CCBE1: variants seen among roughly 807,000 people sequenced by gnomAD.
The protein encoded by CCBE1 is collagen and calcium binding EGF domains 1, also known as collagen and calcium-binding EGF domain-containing protein 1.
A neutral mutation model predicts 50.0 loss-of-function variants in CCBE1; 37 were observed. The observed-to-expected ratio is 0.74, with a 90% CI of 0.57 to 0.97. CCBE1 has a LOEUF of 0.97. Ranked by LOEUF, CCBE1 falls within the 50% of genes least tolerant of loss-of-function variation. The pLI is 0.00. For synonymous variants in CCBE1, 234 were observed against 203.7 expected, an observed-to-expected ratio of 1.15 and a Z score of -1.27; for missense variants, 538 against 523.8, an observed-to-expected ratio of 1.03 and a Z score of -0.26.
chr18:59,640,264 G>A (rs1331277409), intron 2 of CCBE1, among the ~76,000 whole-genome samples: 3 of 152,130 alleles, frequency 2.0e-5, no homozygotes, highest in Admixed American at 6.5e-5. Context: ...AAACAGCATG[G>A]TGCTGATACC....
Position 59,611,293 on chromosome 18 carries a change from C to A in CCBE1, c.212+85336G>T, listed in dbSNP as rs980138857. On this transcript the variant is annotated intron_variant, in intron 2 of 10. Transcript: ENST00000439986. ...GACTAGAGAGAAAAGAAAGGAAAGG[C>A]CTCCTGGGATGCATATGTGTACATA... 2.6e-5 allele frequency among the ~76,000 whole-genome samples: 4 copies of A among 152,234 alleles called. No homozygotes were observed. The East Asian group carries it at 7.7e-4, about 29-fold the overall frequency.
chr18:59,526,349 G>T (rs541470551), intron 2 of CCBE1, among the ~76,000 whole-genome samples: 2 of 149,232 alleles, frequency 1.3e-5, no homozygotes, highest in South Asian at 2.1e-4. Context: ...TCACTCTGTC[G>T]GCACGGCTGG....
At chr18:59,682,932 C>G (rs187808101) in intron 2 of CCBE1, among the ~76,000 whole-genome samples, 19 of 152,212 alleles carry the variant, frequency 1.2e-4, no homozygotes, top group African/African-American at 3.4e-4. Flanking sequence ...TGTGCCCCCC[C>G]TTCCCTGTAG....
At chr18:59,668,117 A>G (rs1313224684) in intron 2 of CCBE1, among the ~76,000 whole-genome samples, 4 of 152,140 alleles carry the variant, frequency 2.6e-5, no homozygotes, top group African/African-American at 9.7e-5. Context: ...CCCAGAACTT[A>G]AAGTATAATT....
At chr18:59,440,538 T>C (rs7236732) in intron 7 of CCBE1, among the ~76,000 whole-genome samples, 1,917 of 152,220 alleles carry the variant, frequency 0.013, 31 homozygotes, top group Middle Eastern at 0.044. Context: ...GGATGACACA[T>C]CTAAAACAAG....
At chr18:59,614,760 C>CT (rs1363946797) in intron 2 of CCBE1, among the ~76,000 whole-genome samples, 1 of 152,248 alleles carries the variant, frequency 6.6e-6, no homozygotes, top group Non-Finnish European at 1.5e-5. Context: ...AGTCCTAAAG[C>CT]TGAGCTGAGG....
chr18:59,652,302 G>A (rs1445658113), intron 2 of CCBE1, among the ~76,000 whole-genome samples: 2 of 152,116 alleles, frequency 1.3e-5, no homozygotes. Context: ...CAACTCATGG[G>A]TTACACAAGT....
intron 2 of CCBE1, among the ~76,000 whole-genome samples, chr18:59,516,257 C>A (rs1351113806): frequency 1.3e-5 from 2 of 150,838 alleles, no homozygotes; most frequent in Non-Finnish European, 3.0e-5. Flanking sequence ...TTTTTCTTAT[C>A]AACTCTGGAG....
At chr18:59,502,625 T>G (rs1913677074) in intron 2 of CCBE1, among the ~76,000 whole-genome samples, 1 of 152,152 alleles carries the variant, frequency 6.6e-6, no homozygotes. Flanking sequence ...TGAGCCCAAC[T>G]CTGAGCCCTT....
At chr18:59,513,715 G>A (rs950751419) in intron 2 of CCBE1, among the ~76,000 whole-genome samples, 5 of 152,210 alleles carry the variant, frequency 3.3e-5, no homozygotes, top group Non-Finnish European at 5.9e-5. Context: ...TAGAGAAAAC[G>A]GGGACGGGCC....
In CCBE1 at chr18:59,546,390, C is replaced by G. The variant is rs186748666; in HGVS notation, c.213-66152G>C. Among the ~76,000 whole-genome samples the G allele has an allele frequency of 6.0e-4, 92 of 152,324 alleles. 1 individual carries two copies. The highest frequency in any genetic ancestry group is 3.4e-3 in the Middle Eastern group (1 of 294). On this transcript the variant is annotated intron_variant, in intron 2 of 10. Transcript: ENST00000439986. ...GGCTCTGGGCTTGGCCATGTAACTT[C>G]TTTCTGGTCAACAGTGAATTAGTCA...
intron 2 of CCBE1, among the ~76,000 whole-genome samples, chr18:59,646,466 C>A (rs1276349710): frequency 1.3e-5 from 2 of 152,176 alleles, no homozygotes; most frequent in Admixed American, 6.5e-5. Flanking sequence ...CATGGCTGCA[C>A]CCAGGGCATG....
chr18:59,612,835 TGTTTTTGTTTTTG>T (rs750195174), intron 2 of CCBE1, among the ~76,000 whole-genome samples: 26,941 of 126,628 alleles, frequency 0.21, 3,462 homozygotes, highest in East Asian at 0.39. Flanking sequence ...TGTTTTTTTT[TGTTTTTGTTTTTG>T]TTTTTTTTAA....
At chr18:59,530,222 C>G (rs565827416) in intron 2 of CCBE1, among the ~76,000 whole-genome samples, 3 of 152,126 alleles carry the variant, frequency 2.0e-5, no homozygotes, top group East Asian at 3.9e-4. Context: ...AGAAGACAGC[C>G]CCATGGGGAG....
At chr18:59,535,042 A>G (rs890402277) in intron 2 of CCBE1, among the ~76,000 whole-genome samples, 2 of 152,206 alleles carry the variant, frequency 1.3e-5, no homozygotes, top group South Asian at 2.1e-4. Flanking sequence ...CGAATCCCCA[A>G]TTTCCCCAAA....
In CCBE1 at chr18:59,490,108, T is replaced by C. The variant is rs531878328; in HGVS notation, c.213-9870A>G. 1.4e-4 allele frequency among the ~76,000 whole-genome samples: 21 copies of C among 149,464 alleles called. No individual in the cohort carries two copies. The South Asian group carries it at 4.5e-3, about 32-fold the overall frequency. ...TTCAAGTGATTCTCCTGCCCCATCC[T>C]CCTGGGTAGCTGGGATTACAAGTGC... is the stretch of plus-strand genomic sequence containing the variant. On this transcript the variant is annotated intron_variant, in intron 2 of 10. Transcript: ENST00000439986.
At chr18:59,604,713 C>T (rs1161317439) in intron 2 of CCBE1, among the ~76,000 whole-genome samples, 7 of 152,332 alleles carry the variant, frequency 4.6e-5, no homozygotes, top group Non-Finnish European at 7.3e-5. Flanking sequence ...ATTTGGACAA[C>T]TCTTCAGATG....
At position 59,647,337 on chromosome 18, in the gene CCBE1, A is replaced by G. The variant is rs534114643; in HGVS notation, c.212+49292T>C. Among the ~76,000 whole-genome samples, 82 of 152,360 alleles carry G rather than the reference A, an allele frequency of 5.4e-4. 1 individual carries two copies. The South Asian group carries it at 0.011, about 20-fold the overall frequency. On this transcript the variant is annotated intron_variant, in intron 2 of 10. Transcript: ENST00000439986. ...AATGACCATATGTTATGTGAAAAAA[A>G]TATGTACCCACAGGATCTCAAAAAT...
At chr18:59,690,675 G>C (rs899630129) in intron 2 of CCBE1, among the ~76,000 whole-genome samples, 2 of 152,242 alleles carry the variant, frequency 1.3e-5, no homozygotes, top group African/African-American at 4.8e-5. Context: ...GGACACACCA[G>C]TGAAAGAGCA....
Sources: allele counts gnomAD v4.1 joint callset (sites outside exome capture counted in the v4.1 genomes callset), GRCh38; gene constraint gnomAD v4.1.1; transcripts MANE v1.5; gene names NCBI Gene and HGNC (gene_info 2026-07-23, HGNC 2026-07-21).